The following ABLIM3 variants were observed in gnomAD, a reference collection of about 807,000 sequenced individuals.
ABLIM3 encodes actin-binding LIM protein 3.
Under a neutral mutation model 109.5 loss-of-function variants are expected in ABLIM3, and 61 were observed. That is an observed-to-expected ratio of 0.56 (90% CI 0.45 to 0.69). The LOEUF is 0.69. Among genes scored for constraint, ABLIM3 ranks in the 30% least tolerant of loss-of-function variants. The probability of loss-of-function intolerance (pLI) is 0.00; values close to 1 mark genes in which losing one functional copy is unlikely to be tolerated. For missense variants in ABLIM3, 796 were observed against 889.5 expected (o/e 0.89, Z 1.34); for synonymous variants, 300 against 324.8 (o/e 0.92, Z 0.82).
intron 13 of ABLIM3, chr5:149,240,398 A>G (rs1752690077): frequency 5.9e-6 from 3 of 504,952 alleles, no homozygotes; most frequent in Non-Finnish European, 1.1e-5. Flanking sequence ...AGAGGTTCAA[A>G]CTAACATGCC....
rs370003282 is a variant in ABLIM3 at position 149,230,600 on chromosome 5, C to T, written c.758-49C>T. The T allele has an allele frequency of 1.1e-4, 175 of 1,593,220 alleles. No individual in the cohort carries two copies. In the Middle Eastern group the frequency reaches 1.2e-3, roughly 11 times the overall value. ...ATCAAGGTGGGACATGGGGAGAGTGCTGGAGGGTTTGAAAGGTCTGAGTCT... is the reference window on the plus strand; with the variant it reads ...ATCAAGGTGGGACATGGGGAGAGTGTTGGAGGGTTTGAAAGGTCTGAGTCT... On this transcript the variant is annotated intron_variant, in intron 8 of 23. Coordinates refer to ENST00000309868, the MANE Select transcript of ABLIM3 (RefSeq NM_014945.5).
rs180958009 is a variant in ABLIM3 at position 149,179,903 on chromosome 5, C to A, written c.14-3549C>A. ...TAGATGTCTAGAACATGTCTATCAT[C>A]TCAGAACGTTCTAGTGGATAGCACT... On this transcript the variant is annotated intron_variant, in intron 2 of 23. Coordinates refer to ENST00000309868, the MANE Select transcript of ABLIM3 (RefSeq NM_014945.5). Among the ~76,000 whole-genome samples, 3 of 152,332 alleles carry A rather than the reference C, an allele frequency of 2.0e-5. No homozygotes were observed. The East Asian group carries it at 5.8e-4, about 29-fold the overall frequency.
Position 149,259,299 on chromosome 5 carries a change from C to G in ABLIM3, c.*895C>G. On this transcript the variant is annotated 3_prime_UTR_variant, in exon 24 of 24. Transcript: ENST00000309868. Reference sequence around the variant, plus strand: ...TTCAAGGAGAAGCCCATGATTGCAGCTTGTATTCTTTAGCCTTATTACAAT... The same window carrying G: ...TTCAAGGAGAAGCCCATGATTGCAGGTTGTATTCTTTAGCCTTATTACAAT... 7.2e-7 allele frequency: 1 copy of G among 1,387,676 alleles called. No homozygotes were observed. Among genetic ancestry groups the G allele is most frequent in the South Asian group, 1.6e-5 (1 of 60,608 alleles). 86.0% of individuals were successfully genotyped at this position (1,387,676 alleles called of 1,614,324 possible). A position where few individuals can be genotyped will look rare whatever the true frequency, so the allele number is the denominator to read the frequency against.
intron 2 of ABLIM3, among the ~76,000 whole-genome samples, chr5:149,157,264 C>T (rs1174589959): frequency 6.6e-6 from 1 of 152,176 alleles, no homozygotes; most frequent in Non-Finnish European, 1.5e-5. Context: ...GATACTCAGA[C>T]CAGAGACTTT....
intron 8 of ABLIM3, among the ~76,000 whole-genome samples, chr5:149,227,974 G>A (rs1761487032): frequency 6.6e-6 from 1 of 152,124 alleles, no homozygotes; most frequent in Non-Finnish European, 1.5e-5. Context: ...AATGGGTGGG[G>A]CAAATAATTA....
chr5:149,194,511 C>T (rs1757771904), intron 3 of ABLIM3, among the ~76,000 whole-genome samples: 1 of 152,086 alleles, frequency 6.6e-6, no homozygotes, highest in African/African-American at 2.4e-5. Context: ...TCCATAAAAG[C>T]AAAAAACTGC....
intron 8 of ABLIM3, chr5:149,219,764 G>A (rs1027479230): frequency 8.5e-5 from 13 of 152,258 alleles, no homozygotes; most frequent in African/African-American, 3.1e-4. Flanking sequence ...GGAACCTGGA[G>A]TTTGCACTTG....
intron 8 of ABLIM3, among the ~76,000 whole-genome samples, chr5:149,226,255 G>T (rs1194459127): frequency 6.6e-6 from 1 of 151,826 alleles, no homozygotes; most frequent in Non-Finnish European, 1.5e-5. Flanking sequence ...GAAGACTGAG[G>T]AGGGTGGATC....
chr5:149,200,031 T>G (rs1758346045), intron 4 of ABLIM3, among the ~76,000 whole-genome samples: 1 of 152,232 alleles, frequency 6.6e-6, no homozygotes, highest in African/African-American at 2.4e-5. Context: ...AACAAGTATC[T>G]GAGGCGTTAG....
At chr5:149,194,471 C>T (rs540507592) in intron 3 of ABLIM3, among the ~76,000 whole-genome samples, 8 of 152,172 alleles carry the variant, frequency 5.3e-5, no homozygotes, top group Non-Finnish European at 1.0e-4. Flanking sequence ...GGCATTACCT[C>T]ACAAATGCAA....
intron 2 of ABLIM3, among the ~76,000 whole-genome samples, chr5:149,167,849 A>G (rs1029031761): frequency 3.1e-4 from 47 of 152,194 alleles, no homozygotes; most frequent in African/African-American, 1.1e-3. Context: ...AGTAGGGTTT[A>G]TACTCCTGAG....
intron 7 of ABLIM3, among the ~76,000 whole-genome samples, chr5:149,212,291 A>G (rs1176274256): frequency 6.6e-6 from 1 of 152,204 alleles, no homozygotes; most frequent in Non-Finnish European, 1.5e-5. Context: ...AAGGAGTGCG[A>G]TGCAGAGGAC....
At chr5:149,203,275 A>G (rs1253180737) in intron 5 of ABLIM3, among the ~76,000 whole-genome samples, 2 of 151,510 alleles carry the variant, frequency 1.3e-5, no homozygotes, top group Non-Finnish European at 2.9e-5. Context: ...CACCACCAAT[A>G]CAATCACTAC....
chr5:149,165,855 C>T (rs1002708794), intron 2 of ABLIM3, among the ~76,000 whole-genome samples: 5 of 152,102 alleles, frequency 3.3e-5, no homozygotes, highest in Non-Finnish European at 7.3e-5. Flanking sequence ...TCACAAGTAC[C>T]GGGTGCTAGT....
chr5:149,218,053 T>C (rs2918277), intron 8 of ABLIM3: 2,897 of 152,388 alleles, frequency 0.019, 34 homozygotes, highest in Middle Eastern at 0.027. Context: ...CCAGGAGGGC[T>C]CCCTGACGAA....
At position 149,244,810 on chromosome 5, in the gene ABLIM3, T is replaced by C. The variant is rs1753189397; in HGVS notation, c.1352-71T>C. On this transcript the variant is annotated intron_variant, in intron 15 of 23. Coordinates refer to ENST00000309868, the MANE Select transcript of ABLIM3 (RefSeq NM_014945.5). ...CCCCTGGGCTGGAGCCTGGTAAAGA[T>C]AGGAAAAGGGTACACAGTCCCATCC... The C allele has an allele frequency of 2.2e-5, 36 of 1,602,474 alleles. No individual in the cohort carries two copies. In the South Asian group the frequency reaches 3.8e-4, roughly 17 times the overall value.
intron 3 of ABLIM3, among the ~76,000 whole-genome samples, chr5:149,191,392 A>G (rs1433156479): frequency 2.0e-5 from 3 of 152,226 alleles, no homozygotes; most frequent in Non-Finnish European, 4.4e-5. Flanking sequence ...TTGAAACCTG[A>G]GTAGTCCTAT....
intron 3 of ABLIM3, among the ~76,000 whole-genome samples, chr5:149,194,658 A>G (rs902393757): frequency 6.6e-6 from 1 of 152,226 alleles, no homozygotes; most frequent in African/African-American, 2.4e-5. Context: ...CACAATACTC[A>G]GGGAATGAAG....
chr5:149,247,523 A>G, intron 17 of ABLIM3: 1 of 650,176 alleles, frequency 1.5e-6, no homozygotes, highest in Non-Finnish European at 2.8e-6. Context: ...GTGCCAAGAC[A>G]ATGGGATCCT....
Sources: allele counts gnomAD v4.1 joint callset (sites outside exome capture counted in the v4.1 genomes callset), GRCh38; gene constraint gnomAD v4.1.1; transcripts MANE v1.5; gene names NCBI Gene and HGNC (gene_info 2026-07-23, HGNC 2026-07-21).